Variants in CTNNA3 observed in about 807,000 individuals in gnomAD.
CTNNA3 encodes catenin alpha 3, also known as catenin alpha-3.
Under a neutral mutation model 95.7 loss-of-function variants are expected in CTNNA3, and 76 were observed. The observed-to-expected ratio is 0.79, with a 90% confidence interval of 0.66 to 0.96. CTNNA3 has a LOEUF of 0.96. Among genes scored for constraint, CTNNA3 ranks in the 40% least tolerant of loss-of-function variants. The probability of loss-of-function intolerance (pLI) is 0.00; values close to 1 mark genes in which losing one functional copy is unlikely to be tolerated. For missense variants in CTNNA3, 1,191 were observed against 1,089.8 expected (o/e 1.09, Z -1.31); for synonymous variants, 431 against 374.4 (o/e 1.15, Z -1.74).
At chr10:67,293,014 A>C (rs891973077) in intron 5 of CTNNA3, among the ~76,000 whole-genome samples, 7 of 152,086 alleles carry the variant, frequency 4.6e-5, no homozygotes, top group Admixed American at 1.3e-4. Context: ...ATAAATTCCT[A>C]AAGAGAATTA....
chr10:66,021,321 C>T (rs1000648773), intron 15 of CTNNA3, among the ~76,000 whole-genome samples: 1 of 152,256 alleles, frequency 6.6e-6, no homozygotes, highest in Non-Finnish European at 1.5e-5. Context: ...ATCAGTGATA[C>T]TGAAGAGCAA....
chr10:66,770,373 A>G (rs1253122852), intron 8 of CTNNA3, among the ~76,000 whole-genome samples: 1 of 152,166 alleles, frequency 6.6e-6, no homozygotes, highest in African/African-American at 2.4e-5. Context: ...ATATACAAAA[A>G]GTTTAAAGAA....
chr10:66,286,083 G>A (rs2091583326), intron 12 of CTNNA3, among the ~76,000 whole-genome samples: 1 of 151,842 alleles, frequency 6.6e-6, no homozygotes, highest in Admixed American at 6.6e-5. Flanking sequence ...ATGTTTTTTG[G>A]TGAATATATG....
At chr10:66,153,022 C>T (rs937077036) in intron 13 of CTNNA3, among the ~76,000 whole-genome samples, 2 of 151,782 alleles carry the variant, frequency 1.3e-5, no homozygotes, top group Non-Finnish European at 2.9e-5. Context: ...ATATCTTTAA[C>T]TTTTTTTCTC....
intron 11 of CTNNA3, among the ~76,000 whole-genome samples, chr10:66,448,579 A>T (rs990299201): frequency 2.6e-5 from 4 of 152,060 alleles, no homozygotes; most frequent in African/African-American, 4.8e-5. Context: ...TCGCAAGGAC[A>T]AAAAACCAAA....
At chr10:66,743,059 C>T (rs1198595567) in intron 9 of CTNNA3, among the ~76,000 whole-genome samples, 1 of 152,054 alleles carries the variant, frequency 6.6e-6, no homozygotes, top group Non-Finnish European at 1.5e-5. Context: ...ATGTATTGGA[C>T]ATAAGATCCA....
At chr10:67,312,932 C>T in intron 5 of CTNNA3, among the ~76,000 whole-genome samples, 1 of 152,218 alleles carries the variant, frequency 6.6e-6, no homozygotes, top group South Asian at 2.1e-4. Flanking sequence ...AGTCAAAGTA[C>T]CATAATTTGT....
intron 13 of CTNNA3, among the ~76,000 whole-genome samples, chr10:66,171,374 C>T (rs71492494): frequency 0.074 from 11,228 of 150,744 alleles, 524 homozygotes; most frequent in Admixed American, 0.12. Flanking sequence ...GGTGAAACAC[C>T]ATCTCTACTA....
At chr10:67,694,123 AC>A (rs1301917973) in intron 1 of CTNNA3, among the ~76,000 whole-genome samples, 1 of 152,204 alleles carries the variant, frequency 6.6e-6, no homozygotes, top group Non-Finnish European at 1.5e-5. Context: ...TAATAAAGTT[AC>A]TTATACATTC....
intron 5 of CTNNA3, among the ~76,000 whole-genome samples, chr10:67,357,917 C>T (rs1397187844): frequency 2.0e-5 from 3 of 152,048 alleles, no homozygotes; most frequent in African/African-American, 7.2e-5. Flanking sequence ...CACCGCAACA[C>T]ATTTTTGGGT....
chr10:67,107,370 T>C (rs1858696875), intron 7 of CTNNA3, among the ~76,000 whole-genome samples: 1 of 152,232 alleles, frequency 6.6e-6, no homozygotes, highest in African/African-American at 2.4e-5. Flanking sequence ...ATATTAATCC[T>C]TTGTTTAAAA....
chr10:66,036,898 A>T (rs2079575815), intron 15 of CTNNA3, among the ~76,000 whole-genome samples: 2 of 105,486 alleles, frequency 1.9e-5, no homozygotes, highest in Non-Finnish European at 3.5e-5. Flanking sequence ...TTTGAGACTG[A>T]GTCTCGCCCT....
At chr10:66,339,216 G>A (rs1287815333) in intron 12 of CTNNA3, among the ~76,000 whole-genome samples, 1 of 151,784 alleles carries the variant, frequency 6.6e-6, no homozygotes, top group East Asian at 1.9e-4. Flanking sequence ...GTTATTAATT[G>A]ACAGAAACTG....
chr10:67,287,068 G>A lies in CTNNA3; in HGVS notation c.580-67198C>T, dbSNP rs141329851. On this transcript the variant is annotated intron_variant, in intron 5 of 17. Coordinates refer to ENST00000433211, the MANE Select transcript of CTNNA3 (RefSeq NM_013266.4). ...GAAAAAACATGCTGGGCCCGAGCGC[G>A]GTGGCTCGTGCTTATAATCCCAGCA... Among the ~76,000 whole-genome samples, 41 of 152,246 alleles carry A rather than the reference G, an allele frequency of 2.7e-4. 1 individual carries two copies. In the East Asian group the frequency reaches 2.9e-3, roughly 11 times the overall value.
intron 5 of CTNNA3, among the ~76,000 whole-genome samples, chr10:67,322,044 T>C (rs1486194125): frequency 6.6e-6 from 1 of 151,972 alleles, no homozygotes; most frequent in Non-Finnish European, 1.5e-5. Context: ...ACTGACAAGG[T>C]CCTAGTCCAA....
intron 7 of CTNNA3, among the ~76,000 whole-genome samples, chr10:67,037,717 T>A (rs1186392339): frequency 1.3e-5 from 2 of 152,130 alleles, no homozygotes; most frequent in African/African-American, 4.8e-5. Context: ...TATGACTAAA[T>A]AGGTGTAGGT....
chr10:66,831,635 C>T (rs567174475), intron 7 of CTNNA3, among the ~76,000 whole-genome samples: 32 of 152,124 alleles, frequency 2.1e-4, no homozygotes, highest in African/African-American at 7.0e-4. Context: ...GACAGTAAAT[C>T]CTCAGCCTAC....
chr10:66,579,255 C>A (rs144224048), intron 10 of CTNNA3, among the ~76,000 whole-genome samples: 151 of 151,618 alleles, frequency 1.0e-3, no homozygotes, highest in Non-Finnish European at 1.9e-3. Flanking sequence ...TTTATTATTT[C>A]CCTAAATAGT....
At chr10:66,203,303 A>G (rs1239959214) in intron 13 of CTNNA3, among the ~76,000 whole-genome samples, 1 of 152,232 alleles carries the variant, frequency 6.6e-6, no homozygotes, top group African/African-American at 2.4e-5. Flanking sequence ...GAATTTCATT[A>G]TAAAATGAGC....
Sources: allele counts gnomAD v4.1 joint callset (sites outside exome capture counted in the v4.1 genomes callset), GRCh38; gene constraint gnomAD v4.1.1; transcripts MANE v1.5; gene names NCBI Gene and HGNC (gene_info 2026-07-23, HGNC 2026-07-21).